The following ARMH3 variants were observed in gnomAD, a reference collection of about 807,000 sequenced individuals.
ARMH3 encodes armadillo-like helical domain-containing protein 3.
A neutral mutation model predicts 99.1 loss-of-function variants in ARMH3; 60 were observed. That is an observed-to-expected ratio of 0.61 (90% CI 0.49 to 0.75). The LOEUF (loss-of-function observed/expected upper bound fraction) is 0.75. Among genes scored for constraint, ARMH3 ranks in the 30% least tolerant of loss-of-function variants. The pLI is 0.00. For missense variants in ARMH3, 679 were observed against 843.1 expected, an observed-to-expected ratio of 0.81 and a Z score of 2.41; for synonymous variants, 285 against 292.8, an observed-to-expected ratio of 0.97 and a Z score of 0.27.
chr10:101,952,856 T>C (rs78462118), intron 22 of ARMH3, among the ~76,000 whole-genome samples: 1 of 152,360 alleles, frequency 6.6e-6, no homozygotes, highest in East Asian at 1.9e-4. Context: ...CTGGTAATCA[T>C]CATCCTACTT....
chr10:101,878,491 T>A (rs1329637958), intron 24 of ARMH3, among the ~76,000 whole-genome samples: 5 of 146,754 alleles, frequency 3.4e-5, no homozygotes, highest in African/African-American at 1.0e-4. Flanking sequence ...AAAAAAAAAA[T>A]AGCCAGACAT....
chr10:101,955,417 T>C (rs1844985455), intron 22 of ARMH3, among the ~76,000 whole-genome samples: 1 of 152,232 alleles, frequency 6.6e-6, no homozygotes, highest in Non-Finnish European at 1.5e-5. Flanking sequence ...GAAAACATCC[T>C]ACTAATACAA....
intron 4 of ARMH3, among the ~76,000 whole-genome samples, chr10:102,032,007 G>A (rs995012574): frequency 7.2e-5 from 11 of 152,132 alleles, no homozygotes; most frequent in Non-Finnish European, 1.3e-4. Context: ...CAAAGTGCTC[G>A]GATTACAGGC....
intron 24 of ARMH3, among the ~76,000 whole-genome samples, chr10:101,868,726 C>G (rs543715715): frequency 4.6e-5 from 7 of 152,104 alleles, no homozygotes; most frequent in Non-Finnish European, 1.0e-4. Flanking sequence ...TGTAAGAGTA[C>G]AGTATATAAT....
intron 20 of ARMH3, among the ~76,000 whole-genome samples, chr10:101,958,271 T>C (rs571324258): frequency 6.6e-6 from 1 of 152,310 alleles, no homozygotes; most frequent in African/African-American, 2.4e-5. Context: ...AGCCCTTAAC[T>C]GCTCTAACTA....
chr10:101,897,433 C>T (rs978807888), intron 23 of ARMH3, among the ~76,000 whole-genome samples: 1 of 152,220 alleles, frequency 6.6e-6, no homozygotes, highest in Non-Finnish European at 1.5e-5. Context: ...GTGGCTCAGA[C>T]ATGAACAGCT....
intron 19 of ARMH3, among the ~76,000 whole-genome samples, chr10:101,976,094 A>T (rs997744577): frequency 7.1e-6 from 1 of 139,876 alleles, no homozygotes; most frequent in African/African-American, 2.6e-5. Context: ...GCATGAACCC[A>T]GGAGGTGGAG....
At chr10:101,947,423 C>T (rs1206351196) in intron 22 of ARMH3, among the ~76,000 whole-genome samples, 1 of 151,730 alleles carries the variant, frequency 6.6e-6, no homozygotes, top group Non-Finnish European at 1.5e-5. Context: ...TCACTTGAGC[C>T]CAGGAGTTTA....
chr10:101,855,717 T>C (rs1034053971), intron 24 of ARMH3, among the ~76,000 whole-genome samples: 4 of 146,958 alleles, frequency 2.7e-5, no homozygotes, highest in African/African-American at 7.4e-5. Context: ...ATATATTTTA[T>C]ATATATTTAT....
At chr10:101,933,282 G>A (rs1334975849) in intron 23 of ARMH3, among the ~76,000 whole-genome samples, 1 of 152,134 alleles carries the variant, frequency 6.6e-6, no homozygotes, top group East Asian at 1.9e-4. Flanking sequence ...AAGACTCTAA[G>A]AAAATTTCAG....
At chr10:101,873,906 T>C (rs1438445468) in intron 24 of ARMH3, among the ~76,000 whole-genome samples, 1 of 152,178 alleles carries the variant, frequency 6.6e-6, no homozygotes, top group Non-Finnish European at 1.5e-5. Context: ...TTTAGGTTGT[T>C]TCTACTTTTT....
intron 23 of ARMH3, among the ~76,000 whole-genome samples, chr10:101,910,806 G>A (rs1842835645): frequency 6.7e-6 from 1 of 149,986 alleles, no homozygotes; most frequent in African/African-American, 2.4e-5. Flanking sequence ...TCAAGCCCAA[G>A]CCATGCCCAC....
chr10:101,889,358 C>T, intron 24 of ARMH3, 54 bp downstream of exon 24: 1 of 1,501,414 alleles, frequency 6.7e-7, no homozygotes, highest in Admixed American at 1.7e-5. Flanking sequence ...AGAGAGAAGG[C>T]AACTGCTTGA....
intron 15 of ARMH3, among the ~76,000 whole-genome samples, chr10:102,000,932 T>A (rs1055980336): frequency 2.0e-5 from 3 of 152,034 alleles, no homozygotes. Flanking sequence ...TTCTCCTGTA[T>A]CAGCCTCTCG....
At position 101,847,567 on chromosome 10, in the gene ARMH3, G is replaced by C; in HGVS notation, c.2031C>G (p.Ser677Arg). The C allele has an allele frequency of 6.2e-7, 1 of 1,614,178 alleles. No individual in the cohort carries two copies. The highest frequency in any genetic ancestry group is 8.5e-7 in the Non-Finnish European group (1 of 1,180,018). ...VRRNLAFHTLSQEVLLKEFST... is the reference protein window; with the variant it reads ...VRRNLAFHTLRQEVLLKEFST... ...AGAACTCCTTGAGCAGGACTTCTTGGCTGAGTGTGTGGAAGGCCAGGTTTC... is the reference window on the plus strand; with the variant it reads ...AGAACTCCTTGAGCAGGACTTCTTGCCTGAGTGTGTGGAAGGCCAGGTTTC... The change falls in exon 26 of 26, where the codon AGC becomes AGG. Residue 677 changes from serine (S) to arginine (R), a missense_variant. Around this residue, in one of 3 missense-constraint regions of ARMH3, gnomAD observed 389 missense variants for 456.5 expected, o/e 0.85. Coordinates refer to ENST00000370033, the MANE Select transcript of ARMH3 (RefSeq NM_024541.3).
chr10:101,895,130 G>A (rs2067792190), intron 23 of ARMH3, among the ~76,000 whole-genome samples: 1 of 151,888 alleles, frequency 6.6e-6, no homozygotes, highest in Non-Finnish European at 1.5e-5. Flanking sequence ...AATTAAATAG[G>A]GAAAAAATAG....
intron 23 of ARMH3, among the ~76,000 whole-genome samples, chr10:101,914,002 T>C (rs905910839): frequency 1.3e-5 from 2 of 152,332 alleles, no homozygotes; most frequent in South Asian, 2.1e-4. Context: ...TCTTGCCATG[T>C]GGTAGTACTA....
Position 102,006,593 on chromosome 10 carries a change from G to A in ARMH3, c.995C>T (p.Pro332Leu). Reference sequence around the variant, plus strand: ...TGGTGTGACTGGGGTTGTAGGAGCAGGACTGACAGGGGTCGTCACCAAGCC... The same window carrying A: ...TGGTGTGACTGGGGTTGTAGGAGCAAGACTGACAGGGGTCGTCACCAAGCC... ...EMGLVTTPVS[P>L]APTTPVTPLG... Residue 332 changes from proline to leucine, a missense_variant, in exon 14 of 26, where the codon CCT becomes CTT. This residue lies in a region of ARMH3 where 389 missense variants were observed against 456.5 expected (regional missense o/e 0.85). Transcript: ENST00000370033. The A allele has an allele frequency of 6.2e-7, 1 of 1,614,052 alleles. No homozygotes were observed. The highest frequency in any genetic ancestry group is 1.1e-5 in the South Asian group (1 of 91,084).
At chr10:101,888,689 G>C (rs1019709015) in intron 24 of ARMH3, among the ~76,000 whole-genome samples, 1 of 152,332 alleles carries the variant, frequency 6.6e-6, no homozygotes, top group Non-Finnish European at 1.5e-5. Flanking sequence ...TTGGGAGTAG[G>C]ATGAAAAGGA....
Sources: gnomAD v4.1 joint callset for allele counts (sites outside exome capture counted in the v4.1 genomes callset) on GRCh38, gnomAD v4.1.1 for gene constraint, gnomAD v4.1.1 regional missense constraint, MANE v1.5 for transcripts, NCBI Gene and HGNC (gene_info 2026-07-23, HGNC 2026-07-21) for gene names.